SRCAP: variants seen among roughly 807,000 people sequenced by gnomAD.
SRCAP encodes the protein chromatin remodeling protein SRCAP.
In SRCAP, 46 loss-of-function variants were observed where a neutral mutation model predicts 263.1. That is an observed-to-expected ratio of 0.17 (90% CI 0.14 to 0.22). SRCAP has a LOEUF of 0.22. Ranked by LOEUF, SRCAP falls within the 10% of genes least tolerant of loss-of-function variation. The probability of loss-of-function intolerance (pLI) is 1.00; values close to 1 mark genes in which losing one functional copy is unlikely to be tolerated. For missense variants in SRCAP, 3,695 were observed against 4,181.9 expected, an observed-to-expected ratio of 0.88 and a Z score of 3.21; for synonymous variants, 1,813 against 1,662.1, an observed-to-expected ratio of 1.09 and a Z score of -2.21.
chr16:30,701,774 C>T (rs2052769637), intron 3 of SRCAP, among the ~76,000 whole-genome samples: 1 of 150,782 alleles, frequency 6.6e-6, no homozygotes, highest in African/African-American at 2.4e-5. Flanking sequence ...GGATTATAGG[C>T]ACCCACCATC....
rs533712904 is a variant in SRCAP at position 30,714,915 on chromosome 16, T to C, written c.2494-1151T>C. Among the ~76,000 whole-genome samples the C allele has an allele frequency of 2.0e-4, 30 of 152,346 alleles. No individual in the cohort carries two copies. The East Asian group carries it at 5.8e-3, about 29-fold the overall frequency. On this transcript the variant is annotated intron_variant, in intron 16 of 33. Coordinates refer to ENST00000262518, the MANE Select transcript of SRCAP (RefSeq NM_006662.3). Reference sequence around the variant, plus strand: ...CTTGGATTTCTTCAACTTCATATTGTTGGTGTTTTCTCTCTCTGGTCTTCT... The same window carrying C: ...CTTGGATTTCTTCAACTTCATATTGCTGGTGTTTTCTCTCTCTGGTCTTCT...
intron 18 of SRCAP, 34 bp downstream of exon 18, chr16:30,716,513 GT>G: frequency 6.3e-7 from 1 of 1,574,910 alleles, no homozygotes; most frequent in Non-Finnish European, 8.6e-7. Context: ...AAATGTAAAG[GT>G]TATCGGCATT....
At position 30,723,983 on chromosome 16, in the gene SRCAP, C is replaced by A; in HGVS notation, c.4559C>A (p.Thr1520Lys). 1 of 1,614,194 alleles carries A rather than the reference C, an allele frequency of 6.2e-7. No homozygotes were observed. The highest frequency in any genetic ancestry group is 8.5e-7 in the Non-Finnish European group (1 of 1,180,042). Residue 1520 changes from threonine to lysine, a missense_variant, in exon 25 of 34, where the codon ACA becomes AAA. Physicochemically the swap from Thr to Lys is moderately conservative, Grantham distance 78 (BLOSUM62 -1). Coordinates refer to ENST00000262518, the MANE Select transcript of SRCAP (RefSeq NM_006662.3). ...GCTCCATCCCTGTCTTCATCTCAGA[C>A]ACCTGGTCACCCTCTGTTGTTGGCT... is the stretch of plus-strand genomic sequence containing the variant. Reference protein sequence around the residue: ...ATAPSLSSSQTPGHPLLLAPT... With the variant: ...ATAPSLSSSQKPGHPLLLAPT...
chr16:30,715,756 C>T lies in SRCAP; in HGVS notation c.2494-310C>T, dbSNP rs546463561. 2.6e-5 allele frequency among the ~76,000 whole-genome samples: 4 copies of T among 152,312 alleles called. No homozygotes were observed. The East Asian group carries it at 5.8e-4, about 22-fold the overall frequency. ...AGGCCACAGTTTTTATTCTCCTCAT[C>T]TTCTAGATTTATTTGCATCATCTTG... On this transcript the variant is annotated intron_variant, in intron 16 of 33. Coordinates refer to ENST00000262518, the MANE Select transcript of SRCAP (RefSeq NM_006662.3).
chr16:30,701,230 C>T (rs2052762535), intron 3 of SRCAP: 1 of 182,998 alleles, frequency 5.5e-6, no homozygotes, highest in Non-Finnish European at 1.2e-5. Context: ...GTGTTCATTC[C>T]TTTCTCATAC....
At position 30,707,216 on chromosome 16, in the gene SRCAP, C is replaced by A. The variant is rs1402435220; in HGVS notation, c.340C>A (p.Arg114=). ...GATCGAGACTCGGATTGCTGAGCTG[C>A]GGAAGGAGGGTTTCTGGTCACTGAA... ...AEIETRIAEL[R]KEGFWSLKRL... Residue 114 remains arginine, a synonymous_variant, in exon 5 of 34, where the codon CGG becomes AGG. Coordinates refer to ENST00000262518, the MANE Select transcript of SRCAP (RefSeq NM_006662.3). The A allele has an allele frequency of 3.1e-6, 5 of 1,614,020 alleles. No individual in the cohort carries two copies. The African/African-American group carries it at 6.7e-5, about 22-fold the overall frequency.
At chr16:30,706,862 G>A (rs2052833507) in intron 4 of SRCAP, among the ~76,000 whole-genome samples, 1 of 152,276 alleles carries the variant, frequency 6.6e-6, no homozygotes, top group African/African-American at 2.4e-5. Flanking sequence ...TATGGGGTGT[G>A]GAGATTGTGT....
chr16:30,704,077 G>T lies in SRCAP; in HGVS notation c.68G>T (p.Gly23Val). ...PVLQTQMVSD[G>V]MTGSNPVSPA... is the part of the protein sequence containing the mutation. ...CCTCTTTTCTAGATGGTGTCGGACG[G>T]CATGACAGGCAGCAATCCTGTGTCC... is the stretch of plus-strand genomic sequence containing the variant. Residue 23 changes from glycine (G) to valine (V), a missense_variant, in exon 4 of 34, where the codon GGC becomes GTC. Physicochemically the swap from Gly to Val is moderately radical, Grantham distance 109 (BLOSUM62 -3). Coordinates refer to ENST00000262518, the MANE Select transcript of SRCAP (RefSeq NM_006662.3). 1 of 1,613,238 alleles carries T rather than the reference G, an allele frequency of 6.2e-7. No homozygotes were observed. The highest frequency in any genetic ancestry group is 1.1e-5 in the South Asian group (1 of 90,956).
In SRCAP at chr16:30,699,227, G is replaced by A; in HGVS notation, c.-299G>A. The stretch of plus-strand genomic sequence containing the variant: ...CACGAAACCTGAAGTCAAGAGTTAA[G>A]GCTTGTTGGCTTCTGGTGAGCTCGG... On this transcript the variant is annotated 5_prime_UTR_variant, in exon 1 of 34. Coordinates refer to ENST00000262518, the MANE Select transcript of SRCAP (RefSeq NM_006662.3). The A allele has an allele frequency of 2.5e-6, 1 of 398,786 alleles. No individual in the cohort carries two copies. Among genetic ancestry groups the A allele is most frequent in the Non-Finnish European group, 4.4e-6 (1 of 226,168 alleles). 24.7% of individuals were successfully genotyped at this position (398,786 alleles called of 1,614,324 possible). A position where few individuals can be genotyped will look rare whatever the true frequency, so the allele number is the denominator to read the frequency against.
chr16:30,709,024 G>T (rs1410959953), intron 6 of SRCAP, among the ~76,000 whole-genome samples: 1 of 151,992 alleles, frequency 6.6e-6, no homozygotes, highest in Non-Finnish European at 1.5e-5. Context: ...TCACCATGTC[G>T]GTCAGGCTGG....
At chr16:30,722,775 C>A in intron 23 of SRCAP, 27 bp downstream of exon 23, 1 of 1,591,794 alleles carries the variant, frequency 6.3e-7, no homozygotes, top group Non-Finnish European at 8.6e-7. Flanking sequence ...TCCTACTTAG[C>A]CCTTGCTGGC....
intron 5 of SRCAP, 81 bp from the exon 6 acceptor site, chr16:30,707,491 C>A: frequency 1.2e-6 from 2 of 1,605,572 alleles, no homozygotes; most frequent in South Asian, 2.2e-5. Flanking sequence ...TTCCAGATTT[C>A]TTGGCCTTGA....
intron 8 of SRCAP, 22 bp downstream of exon 8, chr16:30,710,150 G>A (rs1469591997): frequency 6.2e-7 from 1 of 1,607,092 alleles, no homozygotes; most frequent in South Asian, 1.1e-5. Context: ...AGGAGCAGAG[G>A]GAGGGTTCAG....
rs533678382 is a variant in SRCAP at position 30,729,175 on chromosome 16, C to G, written c.5868C>G (p.His1956Gln). 5.1e-5 allele frequency: 82 copies of G among 1,613,750 alleles called. No homozygotes were observed. The highest frequency in any genetic ancestry group is 6.6e-5 in the Non-Finnish European group (78 of 1,179,732). The change falls in exon 26 of 34, where the codon CAC (histidine) becomes CAG (glutamine). Residue 1956 changes from histidine to glutamine, a missense_variant. Around this residue, in one of 12 missense-constraint regions of SRCAP, gnomAD observed 1,347 missense variants for 1,304.4 expected, o/e 1.03. Transcript: ENST00000262518. ...TTTGGACTTATACCGAGGCTGCCCA[C>G]CGGGCTGTACTGTTTCCCCAGCAGC... ...PTFWTYTEAAHRAVLFPQQRL... is the reference protein window; with the variant it reads ...PTFWTYTEAAQRAVLFPQQRL...
rs2053131920 is a variant in SRCAP, at chr16:30,733,517, C to T, written c.6297+68C>T. ...CTCTCTCCTTTTCCCAGGATTTGGG[C>T]TTCCAGACGGGGTGCCACTAAGCCT... On this transcript the variant is annotated intron_variant, in intron 28 of 33. Transcript: ENST00000262518. This position sits in a 1 kb window ranked among gnomAD's most constrained non-coding sequence, Gnocchi z 5.3. 1 of 1,605,882 alleles carries T rather than the reference C, an allele frequency of 6.2e-7. No individual in the cohort carries two copies. Among genetic ancestry groups the T allele is most frequent in the Admixed American group, 1.7e-5 (1 of 59,430 alleles).
chr16:30,723,327 T>G, intron 24 of SRCAP, 98 bp downstream of exon 24: 1 of 1,487,260 alleles, frequency 6.7e-7, no homozygotes, highest in Non-Finnish European at 9.0e-7. Context: ...TTTTTTCATA[T>G]CAGCGTACTG....
chr16:30,721,498 G>A (rs752845683), intron 21 of SRCAP, 22 bp downstream of exon 21: 2 of 1,601,742 alleles, frequency 1.2e-6, no homozygotes, highest in Admixed American at 1.7e-5. Context: ...GGGCTCTGTG[G>A]TGAGGGACTT....
chr16:30,729,913 A>G (rs1228941017), intron 27 of SRCAP, among the ~76,000 whole-genome samples: 1 of 152,184 alleles, frequency 6.6e-6, no homozygotes, highest in Non-Finnish European at 1.5e-5. Context: ...GATTACAGAC[A>G]TACGCCACCA....
rs1238595241 is a variant in SRCAP at position 30,722,959 on chromosome 16, G to A, written c.3893-4G>A. The A allele has an allele frequency of 6.2e-7, 1 of 1,602,670 alleles. No individual in the cohort carries two copies. Among genetic ancestry groups the A allele is most frequent in the Non-Finnish European group, 8.5e-7 (1 of 1,171,182 alleles). On this transcript the variant is annotated splice_region_variant and splice_polypyrimidine_tract_variant and intron_variant, in intron 23 of 33. Coordinates refer to ENST00000262518, the MANE Select transcript of SRCAP (RefSeq NM_006662.3). ...CTTCCTCTCAGTGTAGCTTCCTCTT[G>A]CAGTGCCACCAACCATGGTGAATAA...
Sources: allele counts gnomAD v4.1 joint callset (sites outside exome capture counted in the v4.1 genomes callset), GRCh38; gene constraint gnomAD v4.1.1; regional missense constraint gnomAD v4.1.1; non-coding constraint Gnocchi (gnomAD v3.1); transcripts MANE v1.5; gene names NCBI Gene and HGNC (gene_info 2026-07-23, HGNC 2026-07-21).